GRM5: variants seen among roughly 807,000 people sequenced by gnomAD.
The protein encoded by GRM5 is glutamate metabotropic receptor 5.
GRM5 carries 19 observed loss-of-function variants against 83.1 expected under a neutral mutation model. The ratio of observed to expected loss-of-function variants is 0.23; its 90% confidence interval spans 0.16 to 0.34. The LOEUF (loss-of-function observed/expected upper bound fraction) is 0.34. Among genes scored for constraint, GRM5 ranks in the 10% least tolerant of loss-of-function variants. GRM5 has a pLI of 1.00. For missense variants in GRM5, 1,160 were observed against 1,588.3 expected (o/e 0.73, Z 4.58); for synonymous variants, 675 against 633.6 (o/e 1.07, Z -0.98).
intron 3 of GRM5, among the ~76,000 whole-genome samples, chr11:88,803,888 T>C (rs997902028): frequency 1.3e-4 from 20 of 152,154 alleles, no homozygotes; most frequent in African/African-American, 4.1e-4. Context: ...CATGAACAGA[T>C]ACTTCTCAAA....
intron 3 of GRM5, among the ~76,000 whole-genome samples, chr11:88,677,850 G>T (rs1161124624): frequency 2.1e-4 from 32 of 152,108 alleles, no homozygotes; most frequent in African/African-American, 7.7e-4. Context: ...TTAGAAATTG[G>T]CAAGATTTTA....
intron 2 of GRM5, among the ~76,000 whole-genome samples, chr11:88,986,785 G>A (rs1315770152): frequency 7.1e-6 from 1 of 141,066 alleles, no homozygotes; most frequent in Non-Finnish European, 1.5e-5. Flanking sequence ...AAAATCACTG[G>A]GAAGACCAAT....
chr11:88,927,692 A>G (rs1444303536), intron 2 of GRM5, among the ~76,000 whole-genome samples: 1 of 152,254 alleles, frequency 6.6e-6, no homozygotes, highest in East Asian at 1.9e-4. Flanking sequence ...TGGCTTTACT[A>G]CTGAAAACAT....
chr11:89,058,599 C>T (rs893487069), intron 1 of GRM5, among the ~76,000 whole-genome samples: 4 of 152,132 alleles, frequency 2.6e-5, no homozygotes, highest in African/African-American at 7.2e-5. Flanking sequence ...TAAGGAGAGA[C>T]GGTTGAAATA....
chr11:88,930,961 G>A (rs1343339551), intron 2 of GRM5, among the ~76,000 whole-genome samples: 3 of 151,798 alleles, frequency 2.0e-5, no homozygotes, highest in Non-Finnish European at 2.9e-5. Flanking sequence ...AAAAAAATGG[G>A]AGATTGTAGT....
chr11:88,962,564 G>A (rs1938818263), intron 2 of GRM5, among the ~76,000 whole-genome samples: 1 of 151,690 alleles, frequency 6.6e-6, no homozygotes, highest in Admixed American at 6.6e-5. Flanking sequence ...AATAATTCCT[G>A]ACATCTATCC....
intron 3 of GRM5, among the ~76,000 whole-genome samples, chr11:88,849,140 T>A (rs1482822879): frequency 6.6e-6 from 1 of 152,124 alleles, no homozygotes; most frequent in Non-Finnish European, 1.5e-5. Flanking sequence ...AAATATCATA[T>A]GTGTATATAT....
chr11:88,613,796 T>A (rs781705394), intron 4 of GRM5, among the ~76,000 whole-genome samples: 8 of 152,190 alleles, frequency 5.3e-5, no homozygotes, highest in Non-Finnish European at 8.8e-5. Context: ...TGATTGCAGA[T>A]ATTAAAATTA....
At chr11:88,569,726 C>G (rs143302853) in intron 7 of GRM5, among the ~76,000 whole-genome samples, 1 of 152,328 alleles carries the variant, frequency 6.6e-6, no homozygotes, top group East Asian at 1.9e-4. Context: ...CCCTGAGAAC[C>G]ATGGACCCCC....
chr11:88,507,728 A>G lies in GRM5; in HGVS notation c.*864T>C, dbSNP rs1411994464. On this transcript the variant is annotated 3_prime_UTR_variant, in exon 10 of 10. Transcript: ENST00000305447. ...GAGCTCAAGAATGATTTTTATAAAG[A>G]GAATTTCCAGCTACAATGCACCCCA... 6.6e-6 allele frequency: 1 copy of G among 152,618 alleles called. No individual in the cohort carries two copies. The highest frequency in any genetic ancestry group is 1.5e-5 in the Non-Finnish European group (1 of 68,034). The allele number at this position is 152,618 out of a possible 1,614,324, so 9.5% of individuals were successfully genotyped here. A position where few individuals can be genotyped will look rare whatever the true frequency, so the allele number is the denominator to read the frequency against.
At chr11:89,019,588 C>T (rs922088850) in intron 2 of GRM5, among the ~76,000 whole-genome samples, 2 of 151,624 alleles carry the variant, frequency 1.3e-5, no homozygotes, top group Non-Finnish European at 2.9e-5. Context: ...GCCTGTAATC[C>T]CAGCTACCCA....
chr11:88,748,135 C>A (rs1040023356), intron 3 of GRM5, among the ~76,000 whole-genome samples: 3 of 152,110 alleles, frequency 2.0e-5, no homozygotes, highest in Admixed American at 2.0e-4. Context: ...ATCTTTGCAA[C>A]CCATGGATCA....
chr11:88,800,349 C>T (rs866219321), intron 3 of GRM5, among the ~76,000 whole-genome samples: 12 of 151,994 alleles, frequency 7.9e-5, no homozygotes, highest in African/African-American at 2.9e-4. Context: ...GAGAGATTGT[C>T]ATAGCAATTC....
At chr11:88,767,270 A>G (rs1007401050) in intron 3 of GRM5, among the ~76,000 whole-genome samples, 5 of 152,014 alleles carry the variant, frequency 3.3e-5, no homozygotes, top group Admixed American at 6.6e-5. Context: ...CGGTGTGTCA[A>G]TTCCTCAAAT....
intron 3 of GRM5, among the ~76,000 whole-genome samples, chr11:88,753,926 T>A (rs539100445): frequency 6.6e-6 from 1 of 152,048 alleles, no homozygotes; most frequent in Admixed American, 6.6e-5. Flanking sequence ...AAACATCAGA[T>A]CTCATGAGAC....
At chr11:88,980,089 C>A (rs529861569) in intron 2 of GRM5, among the ~76,000 whole-genome samples, 4 of 152,062 alleles carry the variant, frequency 2.6e-5, no homozygotes, top group African/African-American at 7.2e-5. Flanking sequence ...TCTTAGTGTG[C>A]GGAGGTTGGA....
At chr11:88,842,145 T>C (rs187626053) in intron 3 of GRM5, among the ~76,000 whole-genome samples, 109 of 152,228 alleles carry the variant, frequency 7.2e-4, no homozygotes, top group Middle Eastern at 3.4e-3. Flanking sequence ...TTTATGGTAG[T>C]AAATGATAAA....
chr11:88,912,282 C>T (rs1945513176), intron 2 of GRM5, among the ~76,000 whole-genome samples: 1 of 151,612 alleles, frequency 6.6e-6, no homozygotes, highest in Non-Finnish European at 1.5e-5. Context: ...CAATTTACTG[C>T]CATCAAACAA....
At chr11:88,685,789 G>C (rs1016283633) in intron 3 of GRM5, among the ~76,000 whole-genome samples, 1 of 152,224 alleles carries the variant, frequency 6.6e-6, no homozygotes, top group Non-Finnish European at 1.5e-5. Flanking sequence ...GTGGTGTTGA[G>C]ACTGCAGGTG....
Sources: gnomAD v4.1 joint callset for allele counts (sites outside exome capture counted in the v4.1 genomes callset) on GRCh38, gnomAD v4.1.1 for gene constraint, MANE v1.5 for transcripts, NCBI Gene and HGNC (gene_info 2026-07-23, HGNC 2026-07-21) for gene names.